Variants in SNRNP35 observed in about 807,000 individuals in gnomAD.
SNRNP35 encodes the protein small nuclear ribonucleoprotein U11/U12 subunit 35.
A neutral mutation model predicts 24.3 loss-of-function variants in SNRNP35; 16 were observed. The observed-to-expected ratio is 0.66, with a 90% confidence interval of 0.45 to 1.00. The LOEUF (loss-of-function observed/expected upper bound fraction) is 1.00, where lower values mean the gene tolerates loss of function less well. SNRNP35 is among the 50% of genes least tolerant of loss of function. The pLI is 0.00. For missense variants in SNRNP35, 292 were observed against 327.2 expected (o/e 0.89, Z 0.83); for synonymous variants, 106 against 124.8 (o/e 0.85, Z 1.00).
downstream of SNRNP35, among the ~76,000 whole-genome samples, chr12:123,467,254 A>G (rs924064267): frequency 3.9e-5 from 6 of 152,246 alleles, no homozygotes; most frequent in Non-Finnish European, 7.3e-5. Flanking sequence ...GAACAAATGC[A>G]CTTCCATTCT....
In SNRNP35 at chr12:123,459,727, G is replaced by GCA. The variant is rs1438128968; in HGVS notation, c.-4+1512_-4+1513dup. ...CACTTGAACCTGGGAGGCAGAGGTTGCAGTGAGCCGAGATTGGCCATTGCA... is the reference window on the plus strand; with the variant it reads ...CACTTGAACCTGGGAGGCAGAGGTTGCACAGTGAGCCGAGATTGGCCATTGCA... On this transcript the variant is annotated intron_variant, in intron 1 of 1. Coordinates refer to ENST00000526639, the MANE Select transcript of SNRNP35 (RefSeq NM_022717.4). The GCA allele has an allele frequency of 3.6e-6, 3 of 826,768 alleles. No homozygotes were observed. The East Asian group carries it at 8.4e-5, about 23-fold the overall frequency. The allele number at this position is 826,768 out of a possible 1,614,324, so 51.2% of individuals were successfully genotyped here. A position where few individuals can be genotyped will look rare whatever the true frequency, so the allele number is the denominator to read the frequency against.
intron 1 of SNRNP35, among the ~76,000 whole-genome samples, chr12:123,460,602 CAAAA>C (rs35255989): frequency 2.7e-4 from 21 of 78,676 alleles, no homozygotes; most frequent in African/African-American, 1.1e-4. Flanking sequence ...CCCATCTCTA[CAAAA>C]AAAAAAAAAA....
downstream of SNRNP35, among the ~76,000 whole-genome samples, chr12:123,469,659 A>T (rs906303121): frequency 6.6e-6 from 1 of 151,568 alleles, no homozygotes; most frequent in African/African-American, 2.4e-5. Flanking sequence ...ACACCCACCT[A>T]TTTTTTTATT....
chr12:123,472,754 C>G (rs910453419), exon 2 of SNRNP35: 1 of 1,512,264 alleles, frequency 6.6e-7, no homozygotes, highest in African/African-American at 1.4e-5. Context: ...TTTGCAATGC[C>G]GGAGACATAT....
Position 123,465,630 on chromosome 12 carries a change from G to T in SNRNP35, c.90G>T (p.Ala30=). The change falls in exon 2 of 2, where the codon GCG becomes GCT. Residue 30 remains alanine, a synonymous_variant. Transcript: ENST00000526639. The surrounding 1 kb of genome is among the most constrained non-coding windows in gnomAD (Gnocchi z 4.2). The stretch of plus-strand genomic sequence containing the variant: ...CCGATGAAGACCCACACGACCGCGC[G>T]GTCTGGAGGGCAATGCTGGCACGAT... The part of the protein sequence containing the change: ...DGTDEDPHDR[A]VWRAMLARYV... 1 of 1,613,240 alleles carries T rather than the reference G, an allele frequency of 6.2e-7. No homozygotes were observed. Among genetic ancestry groups the T allele is most frequent in the Non-Finnish European group, 8.5e-7 (1 of 1,179,606 alleles).
In SNRNP35 at chr12:123,465,852, C is replaced by T. The variant is rs199860779; in HGVS notation, c.312C>T (p.Ala104=). The change falls in exon 2 of 2, where the codon GCC becomes GCT. Residue 104 remains alanine (A), a synonymous_variant. Coordinates refer to ENST00000526639, the MANE Select transcript of SNRNP35 (RefSeq NM_022717.4). The surrounding 1 kb of genome is among the most constrained non-coding windows in gnomAD (Gnocchi z 4.2). ...TCATCGAATACAAGGAGGAGCGTGC[C>T]GTGATCAAAGCTTACCGAGATGCTG... The part of the protein sequence containing the change: ...YAFIEYKEER[A]VIKAYRDADG... The T allele has an allele frequency of 4.6e-5, 74 of 1,613,812 alleles. No individual in the cohort carries two copies. The East Asian group carries it at 1.4e-3, about 30-fold the overall frequency.
chr12:123,468,615 G>A (rs543352329), downstream of SNRNP35, among the ~76,000 whole-genome samples: 215 of 151,692 alleles, frequency 1.4e-3, 1 homozygote, highest in African/African-American at 5.0e-3. Context: ...GCTCGAGCCC[G>A]GGAAGCAGAG....
chr12:123,472,696 AG>A (rs1881275947), exon 2 of SNRNP35: 1 of 1,589,606 alleles, frequency 6.3e-7, no homozygotes, highest in South Asian at 1.1e-5. Flanking sequence ...TGGAAGGGAA[AG>A]CAAACACAGA....
At chr12:123,471,743 C>CT (rs1411207647), downstream of SNRNP35, 2 of 152,252 alleles carry the variant, frequency 1.3e-5, no homozygotes, top group Non-Finnish European at 2.9e-5. Context: ...TTGCAGGGGA[C>CT]TAAGTATATG....
chr12:123,459,624 C>A, intron 1 of SNRNP35: 1 of 459,430 alleles, frequency 2.2e-6, no homozygotes, highest in Non-Finnish European at 4.0e-6. Context: ...CCTGTCTGTA[C>A]TAAAAATGCA....
Position 123,464,753 on chromosome 12 carries a change from T to C in SNRNP35, c.-3-785T>C, listed in dbSNP as rs564817904. 9.2e-5 allele frequency: 14 copies of C among 152,314 alleles called. No homozygotes were observed. The South Asian group carries it at 2.9e-3, about 32-fold the overall frequency. 9.4% of individuals were successfully genotyped at this position (152,314 alleles called of 1,614,324 possible). On this transcript the variant is annotated intron_variant, in intron 1 of 1. Transcript: ENST00000526639. The stretch of plus-strand genomic sequence containing the variant: ...TTGCAGTAAATTCTCATGCTCCCAG[T>C]CTAAACGGATTATCAGCTAGGGATC...
Position 123,466,413 on chromosome 12 carries a change from TCC to T in SNRNP35, c.*133_*134del, listed in dbSNP as rs1880988516. 1.0e-6 allele frequency: 1 copy of T among 976,328 alleles called. No homozygotes were observed. The highest frequency in any genetic ancestry group is 1.5e-6 in the Non-Finnish European group (1 of 677,538). 60.5% of individuals were successfully genotyped at this position (976,328 alleles called of 1,614,324 possible). A position where few individuals can be genotyped will look rare whatever the true frequency, so the allele number is the denominator to read the frequency against. ...TCATGGGGTTTGGAATAGTTTTCTT[TCC>T]AATCTGGAACTTCGGTTCAAGCTGA... is the stretch of plus-strand genomic sequence containing the variant. On this transcript the variant is annotated 3_prime_UTR_variant, in exon 2 of 2. Transcript: ENST00000526639.
chr12:123,470,448 AG>A (rs1881133084), downstream of SNRNP35: 1 of 123,186 alleles, frequency 8.1e-6, no homozygotes, highest in Non-Finnish European at 1.6e-5. Flanking sequence ...ACTCCAGCCT[AG>A]GTGACAGAGT....
intron 1 of SNRNP35, among the ~76,000 whole-genome samples, chr12:123,461,235 C>A (rs545524382): frequency 6.5e-4 from 98 of 151,534 alleles, no homozygotes; most frequent in Non-Finnish European, 1.2e-3. Flanking sequence ...CCTGCCTCAG[C>A]CTCCCGAGTA....
chr12:123,459,327 A>C (rs1322174133), intron 1 of SNRNP35: 2 of 152,262 alleles, frequency 1.3e-5, no homozygotes, highest in East Asian at 3.9e-4. Context: ...AAACCTAGTG[A>C]AGTGACATTT....
exon 2 of SNRNP35, chr12:123,472,492 C>T (rs775648935): frequency 7.8e-6 from 12 of 1,546,910 alleles, no homozygotes; most frequent in African/African-American, 2.7e-5. Flanking sequence ...CGGTTGCAGG[C>T]GCTGGTGGCG....
chr12:123,472,889 A>C, exon 2 of SNRNP35: 1 of 559,786 alleles, frequency 1.8e-6, no homozygotes, highest in Non-Finnish European at 3.2e-6. Context: ...GGTACCTTGG[A>C]GGTCACGCGG....
chr12:123,469,315 C>G (rs1241040200), downstream of SNRNP35, among the ~76,000 whole-genome samples: 1 of 151,930 alleles, frequency 6.6e-6, no homozygotes, highest in African/African-American at 2.4e-5. Context: ...CCCCCATGCC[C>G]AGCTAATTTT....
chr12:123,463,883 C>A (rs1880784271), intron 1 of SNRNP35, among the ~76,000 whole-genome samples: 1 of 151,074 alleles, frequency 6.6e-6, no homozygotes. Context: ...CCTGCCTCAA[C>A]CTCCTGAGTA....
Sources: allele counts gnomAD v4.1 joint callset (sites outside exome capture counted in the v4.1 genomes callset), GRCh38; gene constraint gnomAD v4.1.1; non-coding constraint Gnocchi (gnomAD v3.1); transcripts MANE v1.5; gene names NCBI Gene and HGNC (gene_info 2026-07-23, HGNC 2026-07-21).